SHANK2: variants seen among roughly 807,000 people sequenced by gnomAD.
The protein encoded by SHANK2 is SH3 and multiple ankyrin repeat domains 2, also known as SH3 and multiple ankyrin repeat domains protein 2.
Under a neutral mutation model 133.7 loss-of-function variants are expected in SHANK2, and 43 were observed. The observed-to-expected ratio is 0.32, with a 90% CI of 0.25 to 0.41. The LOEUF (loss-of-function observed/expected upper bound fraction) is 0.41. Ranked by LOEUF, SHANK2 falls within the 10% of genes least tolerant of loss-of-function variation. SHANK2 has a pLI of 1.00. For synonymous variants in SHANK2, 1,017 were observed against 952.8 expected, an observed-to-expected ratio of 1.07 and a Z score of -1.24; for missense variants, 1,994 against 2,235.8, an observed-to-expected ratio of 0.89 and a Z score of 2.18.
At chr11:70,750,960 A>G (rs1195168288) in intron 14 of SHANK2, among the ~76,000 whole-genome samples, 5 of 152,200 alleles carry the variant, frequency 3.3e-5, no homozygotes, top group African/African-American at 4.8e-5. Context: ...AAAATATTCC[A>G]AATGTCCATG....
chr11:71,105,977 G>A (rs1443050012), intron 6 of SHANK2, among the ~76,000 whole-genome samples: 1 of 152,166 alleles, frequency 6.6e-6, no homozygotes, highest in African/African-American at 2.4e-5. Context: ...GACTCCAAGC[G>A]TGAACCTTCA....
chr11:70,734,022 G>A (rs1946344436), intron 14 of SHANK2, among the ~76,000 whole-genome samples: 1 of 152,188 alleles, frequency 6.6e-6, no homozygotes, highest in East Asian at 1.9e-4. Flanking sequence ...GGAAGACAGG[G>A]GAGGGTGTGC....
At chr11:71,097,113 A>G (rs1951629340) in intron 6 of SHANK2, among the ~76,000 whole-genome samples, 1 of 152,216 alleles carries the variant, frequency 6.6e-6, no homozygotes, top group Non-Finnish European at 1.5e-5. Flanking sequence ...GACAAGTGGC[A>G]GCCTTCTCAA....
intron 17 of SHANK2, among the ~76,000 whole-genome samples, chr11:70,594,252 G>A (rs183913801): frequency 6.6e-6 from 1 of 152,320 alleles, no homozygotes; most frequent in East Asian, 1.9e-4. Context: ...CGTGGGGGAT[G>A]CTCAGCGACT....
chr11:71,065,243 G>C (rs1951033688), intron 9 of SHANK2, among the ~76,000 whole-genome samples: 1 of 152,044 alleles, frequency 6.6e-6, no homozygotes, highest in Admixed American at 6.6e-5. Context: ...GGAAGTTAGG[G>C]GTCTGTGTGC....
chr11:70,729,521 T>C (rs1555031542), intron 14 of SHANK2, among the ~76,000 whole-genome samples: 1 of 151,440 alleles, frequency 6.6e-6, no homozygotes, highest in African/African-American at 2.4e-5. Context: ...CTGTGTACTT[T>C]CTTCATTTTT....
chr11:71,228,523 C>T (rs1231160341), intron 1 of SHANK2, among the ~76,000 whole-genome samples: 16 of 152,238 alleles, frequency 1.1e-4, no homozygotes, highest in Admixed American at 2.6e-4. Flanking sequence ...TTTGGGAGAC[C>T]GAGGCGGTTG....
Position 70,760,901 on chromosome 11 carries a change from C to T in SHANK2, c.1777+37542G>A, listed in dbSNP as rs562066834. ...GAGGATGAGAAGAGCCAGCAGGAGG[C>T]GGGTCCAGAGCCATGTTTGCAGGGC... is the stretch of plus-strand genomic sequence containing the variant. On this transcript the variant is annotated intron_variant, in intron 14 of 25. Transcript: ENST00000601538. Among the ~76,000 whole-genome samples, 269 of 152,268 alleles carry T rather than the reference C, an allele frequency of 1.8e-3. 2 individuals are homozygous for T. The highest frequency in any genetic ancestry group is 3.0e-3 in the Non-Finnish European group (205 of 68,012).
intron 10 of SHANK2, among the ~76,000 whole-genome samples, chr11:70,904,249 CCA>C (rs1343016468): frequency 9.2e-5 from 14 of 152,168 alleles, no homozygotes; most frequent in African/African-American, 3.4e-4. Flanking sequence ...TGCTCGGTGC[CCA>C]CAGGGCCCGA....
chr11:70,825,188 C>T (rs1948619229), intron 11 of SHANK2, among the ~76,000 whole-genome samples: 1 of 152,024 alleles, frequency 6.6e-6, no homozygotes, highest in African/African-American at 2.4e-5. Flanking sequence ...TTGGGGGAGT[C>T]CTGGCAGTTG....
chr11:70,879,141 G>A (rs1425735572), intron 11 of SHANK2, among the ~76,000 whole-genome samples: 13 of 152,202 alleles, frequency 8.5e-5, no homozygotes, highest in Non-Finnish European at 1.9e-4. Flanking sequence ...GAGAATTGGG[G>A]ACCAGAATCC....
At chr11:70,818,120 C>A (rs1372606751) in intron 12 of SHANK2, among the ~76,000 whole-genome samples, 1 of 152,136 alleles carries the variant, frequency 6.6e-6, no homozygotes, top group Non-Finnish European at 1.5e-5. Context: ...AGTACAGAAG[C>A]GTGTATGCAG....
intron 17 of SHANK2, among the ~76,000 whole-genome samples, chr11:70,621,785 C>T (rs999019837): frequency 6.6e-6 from 1 of 152,166 alleles, no homozygotes; most frequent in African/African-American, 2.4e-5. Flanking sequence ...TGATCCATTG[C>T]TGTAACTCTT....
At chr11:71,141,262 G>A (rs1952548603) in intron 3 of SHANK2, among the ~76,000 whole-genome samples, 1 of 152,106 alleles carries the variant, frequency 6.6e-6, no homozygotes, top group African/African-American at 2.4e-5. Flanking sequence ...GGAGATCGAG[G>A]TGGGCAGATC....
intron 10 of SHANK2, among the ~76,000 whole-genome samples, chr11:70,941,304 A>T (rs1950643750): frequency 6.6e-6 from 1 of 152,184 alleles, no homozygotes. Context: ...AGGCTGACAC[A>T]CTTAGACACA....
intron 17 of SHANK2, among the ~76,000 whole-genome samples, chr11:70,525,120 G>A (rs1554971873): frequency 6.6e-6 from 1 of 152,240 alleles, no homozygotes; most frequent in Non-Finnish European, 1.5e-5. Flanking sequence ...CAGTACCCAT[G>A]GCAAACAGGG....
In SHANK2 at chr11:71,116,901, C is replaced by T. The variant is rs896831409; in HGVS notation, c.411+1928G>A. Among the ~76,000 whole-genome samples, 4 of 152,230 alleles carry T rather than the reference C, an allele frequency of 2.6e-5. No individual in the cohort carries two copies. The East Asian group carries it at 7.7e-4, about 29-fold the overall frequency. ...ACATCTGCTCCTGCTTTGCCTTCTGCCATGAGAACAAGCTCCCTGAGGCCT... is the reference window on the plus strand; with the variant it reads ...ACATCTGCTCCTGCTTTGCCTTCTGTCATGAGAACAAGCTCCCTGAGGCCT... On this transcript the variant is annotated intron_variant, in intron 4 of 25. Transcript: ENST00000601538.
intron 13 of SHANK2, among the ~76,000 whole-genome samples, chr11:70,800,231 G>A (rs1948015177): frequency 1.3e-5 from 2 of 152,046 alleles, no homozygotes; most frequent in African/African-American, 2.4e-5. Flanking sequence ...TCACTATGTT[G>A]CCCAGGCTGG....
At chr11:70,543,477 C>T (rs1296466407) in intron 17 of SHANK2, among the ~76,000 whole-genome samples, 3 of 152,100 alleles carry the variant, frequency 2.0e-5, no homozygotes, top group Admixed American at 1.3e-4. Flanking sequence ...CAATCATGTC[C>T]GTGTAATGAA....
Sources: allele counts gnomAD v4.1 joint callset (sites outside exome capture counted in the v4.1 genomes callset), GRCh38; gene constraint gnomAD v4.1.1; transcripts MANE v1.5; gene names NCBI Gene and HGNC (gene_info 2026-07-23, HGNC 2026-07-21).